The following TBC1D4 variants were observed in gnomAD, a reference collection of about 807,000 sequenced individuals.
TBC1D4 encodes TBC1 domain family member 4, also known as TBC (Tre-2, BUB2, CDC16) domain-containing protein.
A neutral mutation model predicts 142.5 loss-of-function variants in TBC1D4; 121 were observed. The observed-to-expected ratio is 0.85, with a 90% CI of 0.73 to 0.99. The LOEUF (loss-of-function observed/expected upper bound fraction) is 0.99. Ranked by LOEUF, TBC1D4 falls within the 50% of genes least tolerant of loss-of-function variation. The pLI is 0.00. For synonymous variants in TBC1D4, 630 were observed against 628.2 expected (o/e 1.00, Z -0.04); for missense variants, 1,475 against 1,606.6 (o/e 0.92, Z 1.40).
intron 1 of TBC1D4, among the ~76,000 whole-genome samples, chr13:75,457,729 G>A (rs1300470990): frequency 1.3e-5 from 2 of 152,124 alleles, no homozygotes; most frequent in African/African-American, 4.8e-5. Flanking sequence ...GAATTCCTAG[G>A]TGCTTGCTCT....
At chr13:75,364,612 C>T (rs1406941509) in intron 1 of TBC1D4, among the ~76,000 whole-genome samples, 1 of 152,178 alleles carries the variant, frequency 6.6e-6, no homozygotes, top group Non-Finnish European at 1.5e-5. Flanking sequence ...TGGCAAGGGC[C>T]AAAGCTATGG....
chr13:75,295,032 A>C lies in TBC1D4; in HGVS notation c.3157-19T>G. 6.2e-7 allele frequency: 1 copy of C among 1,612,798 alleles called. No homozygotes were observed. Among genetic ancestry groups the C allele is most frequent in the Non-Finnish European group, 8.5e-7 (1 of 1,179,096 alleles). ...TTTGAATCTAAAGTTAATTTGGAGA[A>C]GAAAAAAAATATTATGCATTTATCT... On this transcript the variant is annotated intron_variant, in intron 17 of 20. Coordinates refer to ENST00000377636, the MANE Select transcript of TBC1D4 (RefSeq NM_014832.5).
At chr13:75,409,839 A>C (rs1885530623) in intron 1 of TBC1D4, among the ~76,000 whole-genome samples, 1 of 152,332 alleles carries the variant, frequency 6.6e-6, no homozygotes. Flanking sequence ...GGTCCCTTCT[A>C]ATCTTAGGAT....
At chr13:75,431,254 C>T (rs546427302) in intron 1 of TBC1D4, among the ~76,000 whole-genome samples, 1 of 152,232 alleles carries the variant, frequency 6.6e-6, no homozygotes, top group South Asian at 2.1e-4. Flanking sequence ...GCTTTGTTTC[C>T]ATGCAATTTT....
chr13:75,321,333 C>A (rs1231073230), intron 11 of TBC1D4, among the ~76,000 whole-genome samples: 1 of 151,954 alleles, frequency 6.6e-6, no homozygotes, highest in East Asian at 1.9e-4. Context: ...AATTGAATAT[C>A]CTTTTTCTTA....
At chr13:75,321,599 C>G (rs1251231848) in intron 11 of TBC1D4, among the ~76,000 whole-genome samples, 1 of 152,132 alleles carries the variant, frequency 6.6e-6, no homozygotes, top group African/African-American at 2.4e-5. Flanking sequence ...TAAAAATTCT[C>G]CAATCTTCTA....
At chr13:75,413,930 T>C (rs1885798679) in intron 1 of TBC1D4, among the ~76,000 whole-genome samples, 1 of 152,138 alleles carries the variant, frequency 6.6e-6, no homozygotes, top group African/African-American at 2.4e-5. Context: ...TTGATTGGGG[T>C]TCCATGATGT....
In TBC1D4 at chr13:75,320,049, G is replaced by T; in HGVS notation, c.2199-12C>A. 1.9e-6 allele frequency: 3 copies of T among 1,613,088 alleles called. No individual in the cohort carries two copies. Among genetic ancestry groups the T allele is most frequent in the Non-Finnish European group, 2.5e-6 (3 of 1,179,496 alleles). Reference sequence around the variant, plus strand: ...AAGCAGTGTCTTGTCTGGTACAACAGGAAAACAAGGAATGGAATTAGCACA... The same window carrying T: ...AAGCAGTGTCTTGTCTGGTACAACATGAAAACAAGGAATGGAATTAGCACA... On this transcript the variant is annotated splice_polypyrimidine_tract_variant and intron_variant, in intron 11 of 20. Coordinates refer to ENST00000377636, the MANE Select transcript of TBC1D4 (RefSeq NM_014832.5).
chr13:75,342,152 G>A (rs1051933614), intron 5 of TBC1D4, among the ~76,000 whole-genome samples: 2 of 152,076 alleles, frequency 1.3e-5, no homozygotes, highest in Admixed American at 6.5e-5. Context: ...AGCCAAGATC[G>A]AGCCACTGCA....
chr13:75,473,801 A>G (rs1455235319), intron 1 of TBC1D4, among the ~76,000 whole-genome samples: 2 of 152,232 alleles, frequency 1.3e-5, no homozygotes, highest in Non-Finnish European at 2.9e-5. Context: ...TTTTAATCCT[A>G]TATTTTGTCC....
chr13:75,397,508 G>A (rs1030146805), intron 1 of TBC1D4, among the ~76,000 whole-genome samples: 1 of 152,178 alleles, frequency 6.6e-6, no homozygotes, highest in African/African-American at 2.4e-5. Flanking sequence ...TGTGAAAACA[G>A]TAATATAATT....
At chr13:75,391,194 TTA>T (rs1491377671) in intron 1 of TBC1D4, among the ~76,000 whole-genome samples, 1 of 32,074 alleles carries the variant, frequency 3.1e-5, no homozygotes, top group Admixed American at 4.3e-4. Context: ...CCCCATCAGT[TTA>T]CACACACACA....
chr13:75,332,468 CTG>C (rs1566388796), intron 8 of TBC1D4, among the ~76,000 whole-genome samples: 1 of 152,206 alleles, frequency 6.6e-6, no homozygotes, highest in African/African-American at 2.4e-5. Flanking sequence ...TCACTAAACA[CTG>C]TGTTCAATTC....
intron 4 of TBC1D4, 34 bp from the exon 5 acceptor site, chr13:75,349,336 G>A (rs1361937625): frequency 6.2e-7 from 1 of 1,612,460 alleles, no homozygotes; most frequent in African/African-American, 1.3e-5. Context: ...GTCTATAAAA[G>A]TTGGCTTACA....
At chr13:75,466,155 C>A (rs953171307) in intron 1 of TBC1D4, among the ~76,000 whole-genome samples, 1 of 152,212 alleles carries the variant, frequency 6.6e-6, no homozygotes, top group Non-Finnish European at 1.5e-5. Flanking sequence ...GACTTTGACT[C>A]TTTTCATCAA....
chr13:75,419,008 C>T (rs769739502), intron 1 of TBC1D4, among the ~76,000 whole-genome samples: 13 of 152,100 alleles, frequency 8.5e-5, no homozygotes, highest in South Asian at 2.1e-4. Flanking sequence ...AGGGTTGGGA[C>T]CACTGATCTA....
intron 12 of TBC1D4, among the ~76,000 whole-genome samples, chr13:75,315,236 A>G (rs1878178657): frequency 6.6e-6 from 1 of 151,676 alleles, no homozygotes; most frequent in Non-Finnish European, 1.5e-5. Context: ...TGAACCCAGG[A>G]GGCAAAGGTT....
intron 1 of TBC1D4, among the ~76,000 whole-genome samples, chr13:75,416,845 G>A (rs1885940916): frequency 6.6e-6 from 1 of 152,182 alleles, no homozygotes; most frequent in Admixed American, 6.5e-5. Flanking sequence ...GGCAGGGTGG[G>A]CTTCCTCTCT....
chr13:75,401,470 T>C (rs1419371485), intron 1 of TBC1D4, among the ~76,000 whole-genome samples: 2 of 152,224 alleles, frequency 1.3e-5, no homozygotes, highest in African/African-American at 2.4e-5. Context: ...GCTTTTTCAA[T>C]AGCTGAAAAT....
Sources: gnomAD v4.1 joint callset for allele counts (sites outside exome capture counted in the v4.1 genomes callset) on GRCh38, gnomAD v4.1.1 for gene constraint, MANE v1.5 for transcripts, NCBI Gene and HGNC (gene_info 2026-07-23, HGNC 2026-07-21) for gene names.